Variants in NELL1 observed in about 807,000 individuals in gnomAD.
NELL1 encodes neural EGFL like 1.
NELL1 carries 76 observed loss-of-function variants against 107.4 expected under a neutral mutation model. The ratio of observed to expected loss-of-function variants is 0.71; its 90% confidence interval spans 0.59 to 0.86. The LOEUF (loss-of-function observed/expected upper bound fraction) is 0.86, where lower values mean the gene tolerates loss of function less well. NELL1 is among the 40% of genes least tolerant of loss of function. The probability of loss-of-function intolerance (pLI) is 0.00; values close to 1 mark genes in which losing one functional copy is unlikely to be tolerated. For missense variants in NELL1, 1,024 were observed against 1,005.5 expected (o/e 1.02, Z -0.25); for synonymous variants, 353 against 341.2 (o/e 1.03, Z -0.38).
intron 14 of NELL1, among the ~76,000 whole-genome samples, chr11:21,272,570 C>T (rs564136834): frequency 1.4e-4 from 21 of 152,314 alleles, no homozygotes; most frequent in African/African-American, 3.6e-4. Flanking sequence ...TCTCCCAGCA[C>T]GCAGCTGGAC....
chr11:21,036,210 A>G (rs1418446287), intron 12 of NELL1, among the ~76,000 whole-genome samples: 1 of 152,176 alleles, frequency 6.6e-6, no homozygotes, highest in African/African-American at 2.4e-5. Context: ...GGAAACTACA[A>G]AACACTGCTC....
intron 14 of NELL1, among the ~76,000 whole-genome samples, chr11:21,233,564 C>T (rs973657433): frequency 3.3e-5 from 5 of 152,148 alleles, no homozygotes; most frequent in African/African-American, 1.2e-4. Context: ...AAAAATTGCT[C>T]ACATATTTAA....
chr11:20,908,988 A>G (rs898084677), intron 5 of NELL1, among the ~76,000 whole-genome samples: 2 of 152,236 alleles, frequency 1.3e-5, no homozygotes, highest in African/African-American at 4.8e-5. Flanking sequence ...GTGGGATATT[A>G]TTCATCCATA....
chr11:21,544,230 A>T (rs1856372233), intron 16 of NELL1, among the ~76,000 whole-genome samples: 1 of 152,048 alleles, frequency 6.6e-6, no homozygotes, highest in African/African-American at 2.4e-5. Context: ...GGATGTTATT[A>T]TAAGTATTAT....
At chr11:21,165,310 G>A (rs533341440) in intron 13 of NELL1, among the ~76,000 whole-genome samples, 11 of 152,220 alleles carry the variant, frequency 7.2e-5, no homozygotes, top group South Asian at 2.1e-4. Flanking sequence ...GTCATCTCAG[G>A]TAGGCCCAAA....
intron 12 of NELL1, among the ~76,000 whole-genome samples, chr11:21,021,845 G>A (rs1054944988): frequency 6.6e-5 from 10 of 152,064 alleles, no homozygotes; most frequent in Admixed American, 2.0e-4. Context: ...TTGAACTTGC[G>A]TCCTTGGCAG....
At chr11:20,974,850 A>ATGAC (rs896808794) in intron 12 of NELL1, among the ~76,000 whole-genome samples, 2 of 152,214 alleles carry the variant, frequency 1.3e-5, no homozygotes, top group Non-Finnish European at 2.9e-5. Flanking sequence ...TTTAAAAAAG[A>ATGAC]TAAATGGTTT....
chr11:20,775,642 G>A (rs1171982614), intron 2 of NELL1, among the ~76,000 whole-genome samples: 1 of 152,182 alleles, frequency 6.6e-6, no homozygotes, highest in African/African-American at 2.4e-5. Flanking sequence ...GGGTGGCAGT[G>A]TGGAGAGGCA....
At chr11:20,904,115 G>T (rs182987024) in intron 5 of NELL1, among the ~76,000 whole-genome samples, 78 of 152,152 alleles carry the variant, frequency 5.1e-4, no homozygotes, top group African/African-American at 1.8e-3. Context: ...AACTCAGAAC[G>T]AGTTAGTGGG....
intron 4 of NELL1, among the ~76,000 whole-genome samples, chr11:20,855,926 G>C (rs879881874): frequency 1.3e-5 from 2 of 152,190 alleles, no homozygotes; most frequent in Admixed American, 6.5e-5. Context: ...TAGTTTTCCA[G>C]ATAGATCAGG....
intron 13 of NELL1, among the ~76,000 whole-genome samples, chr11:21,207,469 G>T (rs1857413708): frequency 6.6e-6 from 1 of 152,096 alleles, no homozygotes; most frequent in Admixed American, 6.5e-5. Flanking sequence ...GAAGTTTTAG[G>T]GAAGGCTTCA....
At position 21,443,236 on chromosome 11, in the gene NELL1, C is replaced by T. The variant is rs563975235; in HGVS notation, c.1645+72288C>T. Among the ~76,000 whole-genome samples the T allele has an allele frequency of 2.6e-4, 40 of 152,178 alleles. No homozygotes were observed. In the South Asian group the frequency reaches 5.8e-3, roughly 22 times the overall value. On this transcript the variant is annotated intron_variant, in intron 15 of 19. Coordinates refer to ENST00000357134, the MANE Select transcript of NELL1 (RefSeq NM_006157.5). ...TATGAGGAGCCCAATTTCTGAATAACCAACCATTCCTGTGATTATGGCAAA... is the reference window on the plus strand; with the variant it reads ...TATGAGGAGCCCAATTTCTGAATAATCAACCATTCCTGTGATTATGGCAAA...
intron 12 of NELL1, among the ~76,000 whole-genome samples, chr11:21,088,670 A>G (rs888422446): frequency 1.3e-5 from 2 of 152,164 alleles, no homozygotes; most frequent in South Asian, 4.1e-4. Flanking sequence ...GTGAGAAAGT[A>G]TTAGTTTCTT....
At chr11:21,366,329 G>A (rs1163149729) in intron 14 of NELL1, among the ~76,000 whole-genome samples, 2 of 152,084 alleles carry the variant, frequency 1.3e-5, no homozygotes, top group Admixed American at 1.3e-4. Context: ...AAGAAGAATG[G>A]CAGGCATGGT....
At chr11:20,860,993 C>T (rs934160864) in intron 4 of NELL1, among the ~76,000 whole-genome samples, 2 of 152,152 alleles carry the variant, frequency 1.3e-5, no homozygotes, top group Non-Finnish European at 2.9e-5. Flanking sequence ...AAATTTGAAG[C>T]TCACAGTAAG....
At chr11:21,097,835 G>A (rs183806365) in intron 12 of NELL1, among the ~76,000 whole-genome samples, 1 of 152,092 alleles carries the variant, frequency 6.6e-6, no homozygotes, top group Non-Finnish European at 1.5e-5. Flanking sequence ...TTAAATAATT[G>A]TATATTAGTT....
At chr11:21,228,349 A>G (rs1434675513) in intron 13 of NELL1, among the ~76,000 whole-genome samples, 2 of 152,138 alleles carry the variant, frequency 1.3e-5, no homozygotes, top group African/African-American at 4.8e-5. Context: ...TGGGTCAAGG[A>G]TGCCACAGCT....
chr11:20,934,288 T>C (rs902603145), intron 9 of NELL1, among the ~76,000 whole-genome samples: 2 of 152,176 alleles, frequency 1.3e-5, no homozygotes, highest in East Asian at 1.9e-4. Context: ...GATAATTTCA[T>C]AGATACATAC....
In NELL1 at chr11:20,946,386, A is replaced by T. The variant is rs12361163; in HGVS notation, c.1072-950A>T. On this transcript the variant is annotated intron_variant, in intron 10 of 19. Transcript: ENST00000357134. ...AAAATAAGGAACTCTCAGCATTTTT[A>T]AAAAAATAGTAATTAATGGAATAAT... Among the ~76,000 whole-genome samples, 46 of 152,330 alleles carry T rather than the reference A, an allele frequency of 3.0e-4. 1 individual carries two copies. The highest frequency in any genetic ancestry group is 9.6e-4 in the East Asian group (5 of 5,190).
Sources: gnomAD v4.1 joint callset for allele counts (sites outside exome capture counted in the v4.1 genomes callset) on GRCh38, gnomAD v4.1.1 for gene constraint, MANE v1.5 for transcripts, NCBI Gene and HGNC (gene_info 2026-07-23, HGNC 2026-07-21) for gene names.